Variants in COQ3 observed in about 807,000 individuals in gnomAD.
COQ3 encodes the protein ubiquinone biosynthesis O-methyltransferase, mitochondrial.
In COQ3, 29 loss-of-function variants were observed where a neutral mutation model predicts 33.1. The observed-to-expected ratio is 0.88, with a 90% CI of 0.65 to 1.19. The LOEUF (loss-of-function observed/expected upper bound fraction) is 1.19, where lower values mean the gene tolerates loss of function less well. Ranked by LOEUF, COQ3 falls within the 50% of genes most tolerant of loss-of-function variation. COQ3 has a pLI of 0.00. For synonymous variants in COQ3, 173 were observed against 157.8 expected (o/e 1.10, Z -0.72); for missense variants, 437 against 430.7 (o/e 1.01, Z -0.13).
rs1562210481 is a variant in COQ3 at position 99,388,935 on chromosome 6, CCA to C, written c.107-5113_107-5112del. Among the ~76,000 whole-genome samples the C allele has an allele frequency of 5.9e-5, 6 of 102,264 alleles. No homozygotes were observed. The East Asian group carries it at 8.5e-4, about 15-fold the overall frequency. 67.1% of individuals were successfully genotyped at this position (102,264 alleles called of 152,430 possible). A position where few individuals can be genotyped will look rare whatever the true frequency, so the allele number is the denominator to read the frequency against. On this transcript the variant is annotated intron_variant, in intron 1 of 6. Coordinates refer to ENST00000254759, the MANE Select transcript of COQ3 (RefSeq NM_017421.4). ...CACACACACACACACACACACACAC[CCA>C]CATCCTCACTCTCTCCCACAATGAG...
intron 1 of COQ3, among the ~76,000 whole-genome samples, chr6:99,390,289 T>C (rs1774786183): frequency 6.6e-6 from 1 of 151,682 alleles, no homozygotes; most frequent in African/African-American, 2.4e-5. Context: ...TCTATGAGAG[T>C]GTCTCTTGTT....
intron 2 of COQ3, among the ~76,000 whole-genome samples, 179 bp downstream of exon 2, chr6:99,383,519 A>T (rs1034423125): frequency 6.6e-6 from 1 of 152,216 alleles, no homozygotes. Flanking sequence ...TGTGGGTTTG[A>T]AACTCCCCAA....
chr6:99,393,864 CA>C (rs1774895812), intron 1 of COQ3, among the ~76,000 whole-genome samples: 1 of 152,224 alleles, frequency 6.6e-6, no homozygotes, highest in South Asian at 2.1e-4. Context: ...CAGACAGGAC[CA>C]CTGGTCCTGA....
At chr6:99,374,694 C>A (rs1184599917) in intron 5 of COQ3, among the ~76,000 whole-genome samples, 2 of 152,146 alleles carry the variant, frequency 1.3e-5, no homozygotes, top group Admixed American at 6.5e-5. Flanking sequence ...ATGGAGAGAA[C>A]CAAACTTGGA....
Position 99,371,488 on chromosome 6 carries a change from CT to C in COQ3, c.828del (p.Gly277ValfsTer14). 6.2e-7 allele frequency: 1 copy of C among 1,606,674 alleles called. No individual in the cohort carries two copies. Among genetic ancestry groups the C allele is most frequent in the African/African-American group, 1.3e-5 (1 of 74,664 alleles). On this transcript the variant is annotated frameshift_variant, in exon 6 of 7. Coordinates refer to ENST00000254759, the MANE Select transcript of COQ3 (RefSeq NM_017421.4). LOFTEE classifies it high-confidence loss of function. ...FSEQIASIVPKGTHTWEKFVS... is the reference protein window; with the variant it reads ...FSEQIASIVPXGTHTWEKFVS... The stretch of plus-strand genomic sequence containing the variant: ...ACAAACTTCTCCCATGTATGAGTAC[CT>C]TTTGGTACAATACTTGCAATTTGCT...
In COQ3 at chr6:99,381,734, T is replaced by G. The variant is rs9402719; in HGVS notation, c.234-1393A>C. On this transcript the variant is annotated intron_variant, in intron 2 of 6. Coordinates refer to ENST00000254759, the MANE Select transcript of COQ3 (RefSeq NM_017421.4). The stretch of plus-strand genomic sequence containing the variant: ...TGAGGTCAGGAGTTCCAGATCAGCC[T>G]GGCCAACATGGTGAAACCCAGTCTC... Among the ~76,000 whole-genome samples the G allele has an allele frequency of 3.2e-3, 481 of 152,270 alleles. 15 individuals carry two copies. In the East Asian group the frequency reaches 0.075, roughly 24 times the overall value.
chr6:99,383,725 G>A lies in COQ3; in HGVS notation c.206C>T (p.Ser69Phe), dbSNP rs1207317943. The A allele has an allele frequency of 4.4e-6, 7 of 1,599,454 alleles. No individual in the cohort carries two copies. The highest frequency in any genetic ancestry group is 6.0e-6 in the Non-Finnish European group (7 of 1,175,146). ...GAAACTCTTTATTCTGTTCAAACAGGAAAAGATCGTCCTGTAGGATTTGAA... is the reference window on the plus strand; with the variant it reads ...GAAACTCTTTATTCTGTTCAAACAGAAAAAGATCGTCCTGTAGGATTTGAA... ...IWFKSYRTIF[S>F]CLNRIKSFRY... Residue 69 changes from serine to phenylalanine, a missense_variant, in exon 2 of 7, where the codon TCC becomes TTC. By Grantham distance (155) the Ser-to-Phe change is radical (BLOSUM62 -2). Coordinates refer to ENST00000254759, the MANE Select transcript of COQ3 (RefSeq NM_017421.4).
intron 5 of COQ3, among the ~76,000 whole-genome samples, chr6:99,371,902 G>C (rs1774154917): frequency 6.6e-6 from 1 of 151,864 alleles, no homozygotes. Flanking sequence ...ATGAGATCAG[G>C]CTGCTCTTCC....
chr6:99,389,428 C>T (rs1009002697), intron 1 of COQ3, among the ~76,000 whole-genome samples: 2 of 151,960 alleles, frequency 1.3e-5, no homozygotes, highest in African/African-American at 4.8e-5. Flanking sequence ...CCCAGCCTCT[C>T]TGTGCTATTT....
chr6:99,370,344 C>CTTTTT, intron 6 of COQ3, among the ~76,000 whole-genome samples: 1,058 of 101,166 alleles, frequency 0.01, 21 homozygotes, highest in Middle Eastern at 0.017. Flanking sequence ...CTTTTCTTTA[C>CTTTTT]TTTTTTTTTT....
intron 5 of COQ3, among the ~76,000 whole-genome samples, chr6:99,373,485 G>C (rs911007129): frequency 6.6e-6 from 1 of 150,638 alleles, no homozygotes; most frequent in Non-Finnish European, 1.5e-5. Flanking sequence ...CTACATACTC[G>C]TACTTTAAGG....
At position 99,394,043 on chromosome 6, in the gene COQ3, G is replaced by A. The variant is rs745368501; in HGVS notation, c.106+31C>T. The A allele has an allele frequency of 3.2e-6, 5 of 1,570,888 alleles. No homozygotes were observed. In the South Asian group the frequency reaches 5.5e-5, roughly 17 times the overall value. On this transcript the variant is annotated intron_variant, in intron 1 of 6. Coordinates refer to ENST00000254759, the MANE Select transcript of COQ3 (RefSeq NM_017421.4). ...GAGACGCCAGCGCTCGCAATTGACT[G>A]CATGCGAAGGACCTCCGCACACACA...
chr6:99,379,634 C>T (rs1312631508), intron 3 of COQ3, among the ~76,000 whole-genome samples: 16 of 152,132 alleles, frequency 1.1e-4, no homozygotes, highest in Admixed American at 1.0e-3. Context: ...ACAGGCAGAT[C>T]ACCTAAGGTC....
chr6:99,392,658 C>G (rs1478580296), intron 1 of COQ3, among the ~76,000 whole-genome samples: 1 of 151,170 alleles, frequency 6.6e-6, no homozygotes, highest in African/African-American at 2.4e-5. Flanking sequence ...CAGAGTCTCA[C>G]TCTGTTGCTC....
At chr6:99,374,504 G>A (rs1774232207) in intron 5 of COQ3, among the ~76,000 whole-genome samples, 1 of 152,152 alleles carries the variant, frequency 6.6e-6, no homozygotes, top group South Asian at 2.1e-4. Context: ...ATTTCAATAA[G>A]AGCTATGCAT....
At chr6:99,371,718 T>C (rs1238403177) in intron 5 of COQ3, 131 bp from the exon 6 acceptor site, 3 of 636,262 alleles carry the variant, frequency 4.7e-6, no homozygotes, top group Non-Finnish European at 7.9e-6. Flanking sequence ...TATGTACGCA[T>C]AAAATATAAT....
At chr6:99,393,417 TAA>T (rs1485087683) in intron 1 of COQ3, among the ~76,000 whole-genome samples, 1 of 152,204 alleles carries the variant, frequency 6.6e-6, no homozygotes, top group Non-Finnish European at 1.5e-5. Context: ...CTAACATTTT[TAA>T]AGAGATCCTT....
At chr6:99,391,075 TTTTATTTATTTATTTA>T (rs60755408) in intron 1 of COQ3, among the ~76,000 whole-genome samples, 2 of 139,160 alleles carry the variant, frequency 1.4e-5, no homozygotes, top group Non-Finnish European at 3.1e-5. Context: ...CTTTTGCTCA[TTTTATTTATTTATTTA>T]TTTATTTATT....
At chr6:99,393,798 C>A (rs1364286003) in intron 1 of COQ3, among the ~76,000 whole-genome samples, 29 of 152,214 alleles carry the variant, frequency 1.9e-4, no homozygotes, top group Admixed American at 1.9e-3. Flanking sequence ...CAGAGCGGGT[C>A]GCCGGCTCCT....
Sources: gnomAD v4.1 joint callset for allele counts (sites outside exome capture counted in the v4.1 genomes callset) on GRCh38, gnomAD v4.1.1 for gene constraint, MANE v1.5 for transcripts, NCBI Gene and HGNC (gene_info 2026-07-23, HGNC 2026-07-21) for gene names.